The following ELF2 variants were observed in gnomAD, a reference collection of about 807,000 sequenced individuals.
ELF2 encodes ETS-related transcription factor Elf-2.
A neutral mutation model predicts 54.8 loss-of-function variants in ELF2; 11 were observed. The observed-to-expected ratio is 0.20, with a 90% CI of 0.13 to 0.33. The LOEUF is 0.33. Among genes scored for constraint, ELF2 ranks in the 10% least tolerant of loss-of-function variants. The pLI is 1.00. For synonymous variants in ELF2, 203 were observed against 245.1 expected (o/e 0.83, Z 1.61); for missense variants, 513 against 703.0 (o/e 0.73, Z 3.06).
chr4:139,177,760 C>T (rs888061037), upstream of ELF2, among the ~76,000 whole-genome samples: 73 of 152,178 alleles, frequency 4.8e-4, 1 homozygote, highest in Non-Finnish European at 2.9e-4. Flanking sequence ...CCCGCAGGCC[C>T]CGCCGTCACC....
Position 139,108,857 on chromosome 4 carries a change from T to A in ELF2, c.238+16307A>T, listed in dbSNP as rs183802605. ...TCAAACGAGGGGAACAGAACAACCT[T>A]CAAACTCACACATCTGAACATTTTA... On this transcript the variant is annotated intron_variant, in intron 4 of 9. Coordinates refer to ENST00000686138, the MANE Select transcript of ELF2 (RefSeq NM_001331036.3). Among the ~76,000 whole-genome samples, 96 of 152,274 alleles carry A rather than the reference T, an allele frequency of 6.3e-4. 1 individual carries two copies. The highest frequency in any genetic ancestry group is 2.0e-3 in the African/African-American group (85 of 41,560).
chr4:139,172,305 A>G (rs1480919602), intron 1 of ELF2, among the ~76,000 whole-genome samples: 2 of 152,244 alleles, frequency 1.3e-5, no homozygotes, highest in African/African-American at 4.8e-5. Context: ...CCACAGTCAA[A>G]CATGGTCTGA....
At position 139,148,182 on chromosome 4, in the gene ELF2, T is replaced by C. The variant is rs1314402480; in HGVS notation, c.-251-8685A>G. Among the ~76,000 whole-genome samples the C allele has an allele frequency of 2.6e-5, 4 of 151,272 alleles. No individual in the cohort carries two copies. In the East Asian group the frequency reaches 7.8e-4, roughly 29 times the overall value. The stretch of plus-strand genomic sequence containing the variant: ...ATTTCATATGAATATAATTATATAA[T>C]ATGTGATTTTTTTGGGGGGGTGGGG... On this transcript the variant is annotated intron_variant, in intron 1 of 9. Transcript: ENST00000686138.
Position 139,137,728 on chromosome 4 carries a change from G to T in ELF2, c.-27C>A. On this transcript the variant is annotated 5_prime_UTR_variant, in exon 3 of 10. Coordinates refer to ENST00000686138, the MANE Select transcript of ELF2 (RefSeq NM_001331036.3). The stretch of plus-strand genomic sequence containing the variant: ...GTTATTCCCTGAGGAAGCTTCAAAC[G>T]CTATTAATCAATGAAATTAAAGGTT... The T allele has an allele frequency of 6.2e-7, 1 of 1,612,570 alleles. No individual in the cohort carries two copies. The highest frequency in any genetic ancestry group is 8.5e-7 in the Non-Finnish European group (1 of 1,179,684).
chr4:139,160,765 C>T (rs930408126), intron 1 of ELF2, among the ~76,000 whole-genome samples: 1 of 151,958 alleles, frequency 6.6e-6, no homozygotes, highest in Non-Finnish European at 1.5e-5. Context: ...GAGTTTGAGA[C>T]AAGCCTGGTC....
intron 4 of ELF2, among the ~76,000 whole-genome samples, chr4:139,105,975 T>G (rs528455323): frequency 6.6e-6 from 1 of 152,292 alleles, no homozygotes; most frequent in African/African-American, 2.4e-5. Context: ...CTACCACAGA[T>G]CCACTGAATC....
chr4:139,064,362 T>C (rs1233320781), intron 7 of ELF2, among the ~76,000 whole-genome samples: 1 of 152,174 alleles, frequency 6.6e-6, no homozygotes, highest in East Asian at 1.9e-4. Flanking sequence ...AGATAGGTCA[T>C]CTGTAGGATT....
At chr4:139,127,218 AT>A (rs1737011533) in intron 3 of ELF2, among the ~76,000 whole-genome samples, 3 of 152,178 alleles carry the variant, frequency 2.0e-5, no homozygotes. Flanking sequence ...TTGGAGGAAG[AT>A]TACCATGGGC....
chr4:139,094,761 T>C (rs1251483210), intron 4 of ELF2, among the ~76,000 whole-genome samples: 2 of 152,156 alleles, frequency 1.3e-5, no homozygotes, highest in African/African-American at 4.8e-5. Context: ...GTAATGTCAT[T>C]TTAAAAAATG....
At chr4:139,140,677 C>T (rs1738617387) in intron 1 of ELF2, among the ~76,000 whole-genome samples, 1 of 151,938 alleles carries the variant, frequency 6.6e-6, no homozygotes, top group Non-Finnish European at 1.5e-5. Flanking sequence ...CCGCTTGAGC[C>T]CAGGAGGTTG....
chr4:139,151,051 A>AGGAAAGAAAG (rs1337765609), intron 1 of ELF2, among the ~76,000 whole-genome samples: 1 of 87,474 alleles, frequency 1.1e-5, no homozygotes, highest in African/African-American at 3.3e-5. Flanking sequence ...AAAGAAAGAA[A>AGGAAAGAAAG]GAAAGAAAGA....
At chr4:139,105,718 C>G (rs1051521929) in intron 4 of ELF2, among the ~76,000 whole-genome samples, 5 of 152,116 alleles carry the variant, frequency 3.3e-5, no homozygotes, top group African/African-American at 1.2e-4. Flanking sequence ...GATTCCATCC[C>G]TACCAAAAAA....
At chr4:139,116,618 A>C in intron 4 of ELF2, 1 of 939,824 alleles carries the variant, frequency 1.1e-6, no homozygotes, top group South Asian at 4.9e-5. Flanking sequence ...TAAAATTACA[A>C]ACATTCTTAA....
chr4:139,059,154 C>T lies in ELF2; in HGVS notation c.1611G>A (p.Ser537=), dbSNP rs755106591. Residue 537 remains serine (S), a synonymous_variant, in exon 10 of 10, where the codon TCG becomes TCA. Transcript: ENST00000686138. ...SAVIKGPEVK[S]EAVAKKQEHD... ...GTTCTTGCTTTTTTGCCACTGCTTC[C>T]GATTTAACCTCTGGCCCCTTTATGA... 7.4e-6 allele frequency: 12 copies of T among 1,613,810 alleles called. No individual in the cohort carries two copies. Among genetic ancestry groups the T allele is most frequent in the Non-Finnish European group, 7.6e-6 (9 of 1,179,876 alleles).
chr4:139,114,642 C>CTT (rs59282364), intron 4 of ELF2, among the ~76,000 whole-genome samples: 25,272 of 103,984 alleles, frequency 0.24, 3,660 homozygotes, highest in East Asian at 0.57. Context: ...TTTTTTCTTT[C>CTT]TTTTTTTTTT....
intron 9 of ELF2, 44 bp downstream of exon 9, chr4:139,060,276 CTTTT>C: frequency 6.8e-7 from 1 of 1,468,336 alleles, no homozygotes; most frequent in Non-Finnish European, 9.0e-7. Context: ...ACCACGGAGA[CTTTT>C]TTAAAAAGTA....
intron 4 of ELF2, among the ~76,000 whole-genome samples, chr4:139,074,257 G>T (rs1729951280): frequency 6.6e-6 from 1 of 152,210 alleles, no homozygotes; most frequent in African/African-American, 2.4e-5. Context: ...AAGGGAGGAA[G>T]GGTCAGGGAG....
At chr4:139,126,071 A>G (rs1358495558) in intron 3 of ELF2, among the ~76,000 whole-genome samples, 1 of 152,232 alleles carries the variant, frequency 6.6e-6, no homozygotes, top group Admixed American at 6.5e-5. Context: ...ACAAAAAGCC[A>G]AATATTCATA....
At chr4:139,104,517 A>G (rs1734223145) in intron 4 of ELF2, among the ~76,000 whole-genome samples, 1 of 151,086 alleles carries the variant, frequency 6.6e-6, no homozygotes, top group African/African-American at 2.4e-5. Flanking sequence ...TCAAAAAAAA[A>G]AAAAAAAAAA....
Sources: allele counts gnomAD v4.1 joint callset (sites outside exome capture counted in the v4.1 genomes callset), GRCh38; gene constraint gnomAD v4.1.1; transcripts MANE v1.5; gene names NCBI Gene and HGNC (gene_info 2026-07-23, HGNC 2026-07-21).